Variants in STATH observed in about 807,000 individuals in gnomAD.
STATH encodes statherin.
STATH carries 11 observed loss-of-function variants against 13.3 expected under a neutral mutation model. That is an observed-to-expected ratio of 0.83 (90% CI 0.52 to 1.37). The LOEUF (loss-of-function observed/expected upper bound fraction) is 1.37. Among genes scored for constraint, STATH ranks in the 40% most tolerant of loss-of-function variants. STATH has a pLI of 0.00. For missense variants in STATH, 78 were observed against 73.3 expected, an observed-to-expected ratio of 1.06 and a Z score of -0.24; for synonymous variants, 25 against 23.6, an observed-to-expected ratio of 1.06 and a Z score of -0.17.
chr4:69,998,509 G>A, intron 2 of STATH, 21 bp downstream of exon 2: 1 of 1,604,394 alleles, frequency 6.2e-7, no homozygotes, highest in Non-Finnish European at 8.5e-7. Context: ...CAGGACATTT[G>A]AAGAATATGT....
intron 1 of STATH, among the ~76,000 whole-genome samples, chr4:69,997,791 C>A (rs1284278656): frequency 6.6e-6 from 1 of 152,070 alleles, no homozygotes; most frequent in East Asian, 1.9e-4. Flanking sequence ...CATTAATGTT[C>A]TAATCTGAAG....
At chr4:69,997,278 A>C (rs1724532932) in intron 1 of STATH, among the ~76,000 whole-genome samples, 1 of 152,108 alleles carries the variant, frequency 6.6e-6, no homozygotes, top group Non-Finnish European at 1.5e-5. Flanking sequence ...GAGGCAAATC[A>C]GTGAATAAGT....
chr4:69,997,056 G>A (rs997023505), intron 1 of STATH, among the ~76,000 whole-genome samples: 1 of 151,144 alleles, frequency 6.6e-6, no homozygotes, highest in African/African-American at 2.4e-5. Flanking sequence ...TCCTGCCTCA[G>A]CTTCCTAAGT....
chr4:70,001,222 A>G (rs983700530), intron 5 of STATH, among the ~76,000 whole-genome samples: 3 of 151,764 alleles, frequency 2.0e-5, no homozygotes, highest in African/African-American at 7.2e-5. Flanking sequence ...TGGCCCTGAC[A>G]ACTACTAGTT....
At chr4:70,001,266 C>G (rs1242197831) in intron 5 of STATH, among the ~76,000 whole-genome samples, 2 of 151,732 alleles carry the variant, frequency 1.3e-5, no homozygotes, top group African/African-American at 4.8e-5. Context: ...TGCTCCTGAA[C>G]CTCAGTTTTC....
At position 69,999,299 on chromosome 4, in the gene STATH, A is replaced by G. The variant is rs1724584847; in HGVS notation, c.52-368A>G. Among the ~76,000 whole-genome samples, 3 of 152,092 alleles carry G rather than the reference A, an allele frequency of 2.0e-5. No individual in the cohort carries two copies. The South Asian group carries it at 6.2e-4, about 31-fold the overall frequency. On this transcript the variant is annotated intron_variant, in intron 2 of 5. Transcript: ENST00000246895. ...TGTAAGGAAAACAGAGAAAAACATA[A>G]TGCTTGTCTCTGTCAGTAAATAAAA...
rs1456697324 is a variant in STATH, at chr4:70,001,296, TATG to T, written c.*33+317_*33+319del. Reference sequence around the variant, plus strand: ...GTTTTCTCGTCAAAAAATTGTGTATTATGATAACACTTAAATGTGCTTTTTAGA... The same window carrying T: ...GTTTTCTCGTCAAAAAATTGTGTATTATAACACTTAAATGTGCTTTTTAGA... On this transcript the variant is annotated intron_variant, in intron 5 of 5. Transcript: ENST00000246895. Among the ~76,000 whole-genome samples the T allele has an allele frequency of 9.2e-5, 14 of 151,950 alleles. No individual in the cohort carries two copies. In the East Asian group the frequency reaches 2.7e-3, roughly 29 times the overall value.
Position 70,000,926 on chromosome 4 carries a change from C to T in STATH, c.166C>T (p.Gln56Ter). Residue 56 changes from glutamine to a stop codon, truncating the protein, a stop_gained, in exon 5 of 6, where the codon CAA becomes TAA. Coordinates refer to ENST00000246895, the MANE Select transcript of STATH (RefSeq NM_003154.3). LOFTEE classifies it high-confidence loss of function. ...ACTATACCCACAACCATACCAACCA[C>T]AATACCAACAATATACCTTTTAATA... is the stretch of plus-strand genomic sequence containing the variant. ...QPLYPQPYQP[Q>*]YQQYTF The T allele has an allele frequency of 6.2e-7, 1 of 1,611,976 alleles. No homozygotes were observed. The highest frequency in any genetic ancestry group is 1.1e-5 in the South Asian group (1 of 91,044).
At chr4:69,998,573 G>A (rs551943420) in intron 2 of STATH, 85 bp downstream of exon 2, 1 of 1,206,736 alleles carries the variant, frequency 8.3e-7, no homozygotes, top group Non-Finnish European at 1.2e-6. Context: ...GCATATATTG[G>A]TGTTTACTTG....
rs747671562 is a variant in STATH at position 70,002,528 on chromosome 4, G to T, written c.*373G>T. On this transcript the variant is annotated 3_prime_UTR_variant, in exon 6 of 6. Coordinates refer to ENST00000246895, the MANE Select transcript of STATH (RefSeq NM_003154.3). ...CTTTCATCATCTTCTTTCCCAGTTT[G>T]ACTAGCACAGATTGAAGCCCATAAT... is the stretch of plus-strand genomic sequence containing the variant. The T allele has an allele frequency of 1.3e-5, 2 of 151,478 alleles. No individual in the cohort carries two copies. Among genetic ancestry groups the T allele is most frequent in the African/African-American group, 2.4e-5 (1 of 41,278 alleles). 9.4% of individuals were successfully genotyped at this position (151,478 alleles called of 1,614,324 possible).
Position 70,000,953 on chromosome 4 carries a change from C to A in STATH, c.*4C>A, listed in dbSNP as rs1724647875. ...ATACCAACAATATACCTTTTAATAT[C>A]ATCAGTAACTGCAGGACATGATTAT... On this transcript the variant is annotated 3_prime_UTR_variant, in exon 5 of 6. Transcript: ENST00000246895. 1 of 1,608,408 alleles carries A rather than the reference C, an allele frequency of 6.2e-7. No individual in the cohort carries two copies. Among genetic ancestry groups the A allele is most frequent in the Non-Finnish European group, 8.5e-7 (1 of 1,175,450 alleles).
chr4:69,996,754 C>T (rs903602557), intron 1 of STATH, among the ~76,000 whole-genome samples: 9 of 151,814 alleles, frequency 5.9e-5, no homozygotes, highest in African/African-American at 2.2e-4. Context: ...AACTACTCTT[C>T]TATGAGCATT....
At chr4:70,000,432 A>G (rs543553262) in intron 4 of STATH, 2 of 165,008 alleles carry the variant, frequency 1.2e-5, no homozygotes, top group South Asian at 3.1e-4. Context: ...AGAAGTATTA[A>G]GGAATGTAGG....
chr4:69,998,376 C>A (rs1019201787), intron 1 of STATH, 47 bp from the exon 2 acceptor site: 4 of 1,453,646 alleles, frequency 2.8e-6, no homozygotes, highest in East Asian at 2.3e-5. Context: ...TTTTGATGGG[C>A]GAATGCAAGA....
At chr4:69,999,638 A>G in intron 2 of STATH, 29 bp from the exon 3 acceptor site, 3 of 1,603,206 alleles carry the variant, frequency 1.9e-6, no homozygotes, top group Non-Finnish European at 2.6e-6. Flanking sequence ...TTAAGATACT[A>G]ACTATTGTCT....
chr4:69,998,621 T>C, intron 2 of STATH, 133 bp downstream of exon 2: 1 of 625,564 alleles, frequency 1.6e-6, no homozygotes, highest in Non-Finnish European at 2.5e-6. Context: ...CCATATGAAC[T>C]TTTTTTTGTA....
chr4:70,000,013 A>T (rs1724612721), intron 4 of STATH: 1 of 581,978 alleles, frequency 1.7e-6, no homozygotes, highest in South Asian at 2.3e-5. Flanking sequence ...CATAGTGCCA[A>T]CCTGAAGAAA....
Position 70,002,102 on chromosome 4 carries a change from A to G in STATH, c.*34-87A>G, listed in dbSNP as rs1724684925. 3 of 151,732 alleles carry G rather than the reference A, an allele frequency of 2.0e-5. No homozygotes were observed. The Admixed American group carries it at 2.0e-4, about 10-fold the overall frequency. 9.4% of individuals were successfully genotyped at this position (151,732 alleles called of 1,614,324 possible). Reference sequence around the variant, plus strand: ...TTTATAAACTATAATTGTATATAATATCTACTCTGTACCAGGCCAGAATAT... The same window carrying G: ...TTTATAAACTATAATTGTATATAATGTCTACTCTGTACCAGGCCAGAATAT... On this transcript the variant is annotated intron_variant, in intron 5 of 5. Coordinates refer to ENST00000246895, the MANE Select transcript of STATH (RefSeq NM_003154.3).
At chr4:69,999,580 A>G in intron 2 of STATH, 87 bp from the exon 3 acceptor site, 1 of 1,349,590 alleles carries the variant, frequency 7.4e-7, no homozygotes, top group East Asian at 2.4e-5. Context: ...GTTTACTCAC[A>G]ACTGTAGCTG....
Sources: allele counts gnomAD v4.1 joint callset (sites outside exome capture counted in the v4.1 genomes callset), GRCh38; gene constraint gnomAD v4.1.1; transcripts MANE v1.5; gene names NCBI Gene and HGNC (gene_info 2026-07-23, HGNC 2026-07-21).